The following TMEM184B variants were observed in gnomAD, a reference collection of about 807,000 sequenced individuals.
TMEM184B encodes the protein putative MAPK-activating protein FM08.
Under a neutral mutation model 41.8 loss-of-function variants are expected in TMEM184B, and 17 were observed. The observed-to-expected ratio is 0.41, with a 90% CI of 0.28 to 0.61. The LOEUF is 0.61. Ranked by LOEUF, TMEM184B falls within the 20% of genes least tolerant of loss-of-function variation. The probability of loss-of-function intolerance (pLI) is 0.34; values close to 1 mark genes in which losing one functional copy is unlikely to be tolerated. For synonymous variants in TMEM184B, 240 were observed against 229.5 expected (o/e 1.05, Z -0.41); for missense variants, 393 against 557.8 (o/e 0.70, Z 2.98).
chr22:38,230,640 T>C (rs1336177839), intron 5 of TMEM184B, 29 bp downstream of exon 5: 2 of 1,597,498 alleles, frequency 1.3e-6, no homozygotes, highest in Admixed American at 1.8e-5. Context: ...CTGCTCCTCC[T>C]GAGCTAGGCA....
At chr22:38,255,391 C>G (rs1291531896) in intron 1 of TMEM184B, among the ~76,000 whole-genome samples, 2 of 152,166 alleles carry the variant, frequency 1.3e-5, no homozygotes, top group Admixed American at 6.5e-5. Context: ...CCAGGCTGGT[C>G]TTGAACTCCT....
At chr22:38,237,350 A>G (rs775465766) in intron 3 of TMEM184B, among the ~76,000 whole-genome samples, 30 of 152,182 alleles carry the variant, frequency 2.0e-4, no homozygotes, top group Non-Finnish European at 3.4e-4. Flanking sequence ...AGGCAGACAC[A>G]CTCATATAAC....
chr22:38,244,198 A>G (rs941044119), intron 3 of TMEM184B, among the ~76,000 whole-genome samples: 1 of 152,126 alleles, frequency 6.6e-6, no homozygotes, highest in African/African-American at 2.4e-5. Context: ...TCAGGGATAC[A>G]CAAGTTTCAA....
chr22:38,231,283 T>C lies in TMEM184B; in HGVS notation c.410A>G (p.Glu137Gly). Residue 137 changes from glutamate (E) to glycine (G), a missense_variant, in exon 4 of 9, where the codon GAA (glutamate) becomes GGA (glycine). Glu to Gly is a moderately conservative substitution (Grantham distance 98). This residue lies in a region of TMEM184B where 271 missense variants were observed against 434.1 expected (regional missense o/e 0.62). Coordinates refer to ENST00000361906, the MANE Select transcript of TMEM184B (RefSeq NM_012264.5). Reference sequence around the variant, plus strand: ...TCTGATCTCCGACATGATGGAACTTTCTCCTCCTAGGTACTCATAGCACAG... The same window carrying C: ...TCTGATCTCCGACATGATGGAACTTCCTCCTCCTAGGTACTCATAGCACAG... ...LSLCYEYLGGESSIMSEIRGK... is the reference protein window; with the variant it reads ...LSLCYEYLGGGSSIMSEIRGK... 1 of 1,614,078 alleles carries C rather than the reference T, an allele frequency of 6.2e-7. No homozygotes were observed. The highest frequency in any genetic ancestry group is 8.5e-7 in the Non-Finnish European group (1 of 1,180,026).
At chr22:38,271,704 T>C (rs2092526603) in intron 1 of TMEM184B, among the ~76,000 whole-genome samples, 1 of 152,220 alleles carries the variant, frequency 6.6e-6, no homozygotes, top group African/African-American at 2.4e-5. Context: ...CCTTGATGGC[T>C]TGGGCATCAA....
intron 1 of TMEM184B, among the ~76,000 whole-genome samples, chr22:38,256,661 C>T (rs2092284963): frequency 6.6e-6 from 1 of 152,168 alleles, no homozygotes; most frequent in Non-Finnish European, 1.5e-5. Flanking sequence ...TATTATGGAA[C>T]ATTTCAAACA....
In TMEM184B at chr22:38,226,753, C is replaced by T. The variant is rs1316264962; in HGVS notation, c.617+26G>A. 6.4e-7 allele frequency: 1 copy of T among 1,569,396 alleles called. No homozygotes were observed. The highest frequency in any genetic ancestry group is 8.6e-7 in the Non-Finnish European group (1 of 1,156,614). Reference sequence around the variant, plus strand: ...AGCCTGCGCCAACACTCCTCCCACACACCCCGGGGAGCACCCGCTGCTTAC... The same window carrying T: ...AGCCTGCGCCAACACTCCTCCCACATACCCCGGGGAGCACCCGCTGCTTAC... On this transcript the variant is annotated intron_variant, in intron 6 of 8. Coordinates refer to ENST00000361906, the MANE Select transcript of TMEM184B (RefSeq NM_012264.5). The surrounding 1 kb of genome is among the most constrained non-coding windows in gnomAD (Gnocchi z 4.6).
chr22:38,272,972 G>A lies in TMEM184B; in HGVS notation c.-147C>T, dbSNP rs1281869931. 1.9e-5 allele frequency: 5 copies of A among 263,476 alleles called. No individual in the cohort carries two copies. Among genetic ancestry groups the A allele is most frequent in the Admixed American group, 6.5e-5 (1 of 15,268 alleles). The allele number at this position is 263,476 out of a possible 1,614,324, so 16.3% of individuals were successfully genotyped here. A position where few individuals can be genotyped will look rare whatever the true frequency, so the allele number is the denominator to read the frequency against. On this transcript the variant is annotated 5_prime_UTR_variant, in exon 1 of 9. Transcript: ENST00000361906. Reference sequence around the variant, plus strand: ...GGGCGGGCGGCGCCGCAGCCCCGGAGTCTCCGCCGCCGCCGGCGCGTCCCG... The same window carrying A: ...GGGCGGGCGGCGCCGCAGCCCCGGAATCTCCGCCGCCGCCGGCGCGTCCCG...
intron 2 of TMEM184B, chr22:38,246,941 C>G: frequency 2.5e-6 from 3 of 1,194,396 alleles, no homozygotes; most frequent in South Asian, 1.3e-5. Context: ...AAGCCTTGGA[C>G]GCAAATGGGT....
rs762699815 is a variant in TMEM184B at position 38,225,704 on chromosome 22, A to T, written c.618-111T>A. 3.4e-4 allele frequency: 413 copies of T among 1,221,464 alleles called. 1 individual carries two copies. The highest frequency in any genetic ancestry group is 2.2e-3 in the Middle Eastern group (10 of 4,568). The allele number at this position is 1,221,464 out of a possible 1,614,324, so 75.7% of individuals were successfully genotyped here. On this transcript the variant is annotated intron_variant, in intron 6 of 8. Transcript: ENST00000361906. This position sits in a 1 kb window ranked among gnomAD's most constrained non-coding sequence, Gnocchi z 4.4. ...GCTCTCAGCCCCACACCTCCAGCAGAGCTCAACGAGCCACTGAAGGGGTCA... is the reference window on the plus strand; with the variant it reads ...GCTCTCAGCCCCACACCTCCAGCAGTGCTCAACGAGCCACTGAAGGGGTCA...
Position 38,237,320 on chromosome 22 carries a change from G to A in TMEM184B, c.359-5986C>T, listed in dbSNP as rs2284070. Among the ~76,000 whole-genome samples, 1,851 of 152,318 alleles carry A rather than the reference G, an allele frequency of 0.012. 177 individuals are homozygous for A. The East Asian group carries it at 0.25, about 21-fold the overall frequency. ...AGTACTTGCCCTCTCACGTTTCTGCGTGCAGCTCCCAGGGTCAGGAGGCAG... is the reference window on the plus strand; with the variant it reads ...AGTACTTGCCCTCTCACGTTTCTGCATGCAGCTCCCAGGGTCAGGAGGCAG... On this transcript the variant is annotated intron_variant, in intron 3 of 8. Transcript: ENST00000361906.
intron 1 of TMEM184B, among the ~76,000 whole-genome samples, chr22:38,259,883 C>T (rs1169368873): frequency 6.6e-6 from 1 of 150,876 alleles, no homozygotes; most frequent in Middle Eastern, 3.3e-3. Flanking sequence ...TCAAGCAATT[C>T]TCCCACCTCA....
intron 1 of TMEM184B, among the ~76,000 whole-genome samples, chr22:38,252,091 A>C (rs2092178258): frequency 2.1e-5 from 3 of 143,738 alleles, no homozygotes; most frequent in Non-Finnish European, 3.0e-5. Flanking sequence ...ACAGAGCTTC[A>C]CTCTGTTGCC....
At position 38,239,011 on chromosome 22, in the gene TMEM184B, T is replaced by C. The variant is rs1216313432; in HGVS notation, c.358+6924A>G. Reference sequence around the variant, plus strand: ...ACATTCCTAACAAACAGCAACTGCATAAAGCGACATACGGACACCGCCTCC... The same window carrying C: ...ACATTCCTAACAAACAGCAACTGCACAAAGCGACATACGGACACCGCCTCC... On this transcript the variant is annotated intron_variant, in intron 3 of 8. Transcript: ENST00000361906. The surrounding 1 kb of genome is among the most constrained non-coding windows in gnomAD (Gnocchi z 4.6). Among the ~76,000 whole-genome samples, 1 of 152,190 alleles carries C rather than the reference T, an allele frequency of 6.6e-6. No individual in the cohort carries two copies. The highest frequency in any genetic ancestry group is 1.5e-5 in the Non-Finnish European group (1 of 68,034).
chr22:38,244,490 CTT>C (rs910147779), intron 3 of TMEM184B, among the ~76,000 whole-genome samples: 3 of 151,126 alleles, frequency 2.0e-5, no homozygotes, highest in Non-Finnish European at 4.4e-5. Context: ...GAGTTTCGCT[CTT>C]GTTGCCCAGG....
At position 38,254,031 on chromosome 22, in the gene TMEM184B, T is replaced by A. The variant is rs945337743; in HGVS notation, c.-58-6012A>T. Among the ~76,000 whole-genome samples the A allele has an allele frequency of 1.3e-5, 2 of 151,954 alleles. 1 individual carries two copies. The highest frequency in any genetic ancestry group is 4.2e-4 in the South Asian group (2 of 4,810). Reference sequence around the variant, plus strand: ...GCCTGGCCAACATGGTGAAACCCTGTCTCTACTAAAAATAAAAAAATTAGC... The same window carrying A: ...GCCTGGCCAACATGGTGAAACCCTGACTCTACTAAAAATAAAAAAATTAGC... On this transcript the variant is annotated intron_variant, in intron 1 of 8. Transcript: ENST00000361906.
chr22:38,220,229 G>A lies in TMEM184B; in HGVS notation c.*1240C>T. On this transcript the variant is annotated 3_prime_UTR_variant, in exon 9 of 9. Transcript: ENST00000361906. ...CTAGAGGTGTGGAGGGGGAGAGGAG[G>A]GGCTTGGTGGTCCTGACCACTCCTG... 1.0e-6 allele frequency: 1 copy of A among 985,888 alleles called. No individual in the cohort carries two copies. Among genetic ancestry groups the A allele is most frequent in the Non-Finnish European group, 1.2e-6 (1 of 830,048 alleles). The allele number at this position is 985,888 out of a possible 1,614,324, so 61.1% of individuals were successfully genotyped here.
intron 8 of TMEM184B, chr22:38,223,374 C>T (rs1217493737): frequency 6.6e-6 from 1 of 152,314 alleles, no homozygotes. Flanking sequence ...GGGTATACCA[C>T]ACCAGGTCCA....
chr22:38,247,951 C>G lies in TMEM184B; in HGVS notation c.11G>C (p.Arg4Thr), dbSNP rs756097227. 8.2e-6 allele frequency: 13 copies of G among 1,581,702 alleles called. No homozygotes were observed. The highest frequency in any genetic ancestry group is 1.1e-5 in the Non-Finnish European group (13 of 1,169,746). Residue 4 changes from arginine (R) to threonine (T), a missense_variant, in exon 2 of 9, where the codon AGG (arginine) becomes ACG (threonine). This residue lies in a region of TMEM184B where 122 missense variants were observed against 123.7 expected (regional missense o/e 0.99). Transcript: ENST00000361906. MTV[R>T]GDVLAPDPAS... ...TGGATCCGGGGCCAGCACATCCCCC[C>G]TCACTGTCATGGTGCCTGGCAGCAG... is the stretch of plus-strand genomic sequence containing the variant.
Sources: allele counts gnomAD v4.1 joint callset (sites outside exome capture counted in the v4.1 genomes callset), GRCh38; gene constraint gnomAD v4.1.1; regional missense constraint gnomAD v4.1.1; non-coding constraint Gnocchi (gnomAD v3.1); transcripts MANE v1.5; gene names NCBI Gene and HGNC (gene_info 2026-07-23, HGNC 2026-07-21).